Variants in DNAJC6 observed in about 807,000 individuals in gnomAD.
DNAJC6 encodes DnaJ heat shock protein family (Hsp40) member C6.
A neutral mutation model predicts 110.0 loss-of-function variants in DNAJC6; 34 were observed. That is an observed-to-expected ratio of 0.31 (90% CI 0.24 to 0.41). DNAJC6 has a LOEUF of 0.41. Ranked by LOEUF, DNAJC6 falls within the 10% of genes least tolerant of loss-of-function variation. The pLI, the probability that DNAJC6 is intolerant of heterozygous loss-of-function variation, is 1.00. For missense variants in DNAJC6, 1,031 were observed against 1,207.8 expected (o/e 0.85, Z 2.17); for synonymous variants, 406 against 437.2 (o/e 0.93, Z 0.89).
intron 1 of DNAJC6, among the ~76,000 whole-genome samples, chr1:65,285,071 A>G (rs1653972230): frequency 6.6e-6 from 1 of 152,092 alleles, no homozygotes; most frequent in African/African-American, 2.4e-5. Flanking sequence ...AATAATTGTA[A>G]TTATCAGGTT....
At chr1:65,375,648 G>A (rs930932081) in intron 4 of DNAJC6, among the ~76,000 whole-genome samples, 15 of 151,544 alleles carry the variant, frequency 9.9e-5, no homozygotes, top group Non-Finnish European at 5.9e-5. Context: ...GGATGGTCTC[G>A]ATTTCCTGAC....
chr1:65,344,646 C>A (rs1557532363), intron 1 of DNAJC6, among the ~76,000 whole-genome samples: 2 of 152,110 alleles, frequency 1.3e-5, no homozygotes, highest in Admixed American at 6.6e-5. Flanking sequence ...AATTAATGAG[C>A]CCTCATGCCA....
chr1:65,302,011 G>A (rs530520159), intron 1 of DNAJC6, among the ~76,000 whole-genome samples: 8 of 149,872 alleles, frequency 5.3e-5, no homozygotes, highest in Admixed American at 1.3e-4. Flanking sequence ...GAAAGAGAAA[G>A]AGGTTTTGTT....
chr1:65,296,546 C>T (rs1325251530), intron 1 of DNAJC6, among the ~76,000 whole-genome samples: 2 of 151,150 alleles, frequency 1.3e-5, no homozygotes, highest in African/African-American at 4.9e-5. Flanking sequence ...TGTTGACTGA[C>T]TCTGCCCAGT....
At chr1:65,273,432 A>G (rs1030592067) in intron 1 of DNAJC6, among the ~76,000 whole-genome samples, 1 of 152,148 alleles carries the variant, frequency 6.6e-6, no homozygotes, top group Non-Finnish European at 1.5e-5. Flanking sequence ...CCCCGTCTCT[A>G]CTAAAAAATT....
intron 1 of DNAJC6, among the ~76,000 whole-genome samples, chr1:65,267,144 G>A (rs1055956483): frequency 6.6e-6 from 1 of 152,062 alleles, no homozygotes; most frequent in African/African-American, 2.4e-5. Flanking sequence ...TGATCCACCC[G>A]CCTCGGCCTC....
intron 1 of DNAJC6, 149 bp from the exon 2 acceptor site, chr1:65,364,486 T>G (rs1488811935): frequency 7.2e-6 from 7 of 975,468 alleles, no homozygotes; most frequent in African/African-American, 1.7e-5. Context: ...AGTCTATAAG[T>G]TCTGAGAGTG....
At chr1:65,380,303 C>A (rs765372824) in intron 5 of DNAJC6, among the ~76,000 whole-genome samples, 8 of 152,146 alleles carry the variant, frequency 5.3e-5, no homozygotes, top group Non-Finnish European at 8.8e-5. Flanking sequence ...AGCATTAATG[C>A]TGGAAATTTC....
chr1:65,323,272 C>T (rs1414380380), intron 1 of DNAJC6, among the ~76,000 whole-genome samples: 1 of 152,164 alleles, frequency 6.6e-6, no homozygotes, highest in African/African-American at 2.4e-5. Context: ...CCCCATTTGT[C>T]GGAGGAGGGG....
chr1:65,313,525 G>A, intron 1 of DNAJC6, among the ~76,000 whole-genome samples: 1 of 152,188 alleles, frequency 6.6e-6, no homozygotes, highest in East Asian at 1.9e-4. Context: ...GGTGGTAGGA[G>A]ACCTATCAAA....
intron 1 of DNAJC6, among the ~76,000 whole-genome samples, chr1:65,336,562 A>G (rs1202560228): frequency 1.3e-5 from 2 of 152,226 alleles, no homozygotes; most frequent in South Asian, 2.1e-4. Flanking sequence ...TTATCCACTA[A>G]TGAGCAATTT....
intron 1 of DNAJC6, chr1:65,345,688 A>G (rs2101499869): frequency 1.0e-6 from 1 of 985,120 alleles, no homozygotes. Context: ...AGGAGTCTGA[A>G]GAGAGGGTAG....
chr1:65,337,495 T>C (rs1645348961), intron 1 of DNAJC6, among the ~76,000 whole-genome samples: 1 of 152,130 alleles, frequency 6.6e-6, no homozygotes, highest in South Asian at 2.1e-4. Context: ...TCTCTCTTTC[T>C]CTTTTTCTCT....
At chr1:65,407,923 A>G (rs1218403338) in intron 16 of DNAJC6, among the ~76,000 whole-genome samples, 1 of 152,218 alleles carries the variant, frequency 6.6e-6, no homozygotes, top group Non-Finnish European at 1.5e-5. Context: ...TTTTGTTTTA[A>G]CAAGCATTTA....
intron 1 of DNAJC6, among the ~76,000 whole-genome samples, chr1:65,302,230 ATTATAT>A (rs1644992274): frequency 1.5e-5 from 2 of 132,644 alleles, no homozygotes; most frequent in African/African-American, 2.8e-5. Context: ...ATAATATACT[ATTATAT>A]TGATATATTA....
chr1:65,412,807 A>G (rs1646140525), intron 18 of DNAJC6, 117 bp from the exon 19 acceptor site: 1 of 888,230 alleles, frequency 1.1e-6, no homozygotes, highest in Non-Finnish European at 1.8e-6. Context: ...AAAAGGAGAA[A>G]TGGCCAAATA....
In DNAJC6 at chr1:65,366,078, T is replaced by C. The variant is rs1645643774; in HGVS notation, c.425T>C (p.Ile142Thr). The C allele has an allele frequency of 2.5e-6, 4 of 1,613,760 alleles. No individual in the cohort carries two copies. Among genetic ancestry groups the C allele is most frequent in the South Asian group, 1.1e-5 (1 of 91,078 alleles). ...VMSFPLDNVD[I>T]GFRNQVDDIR... ...TCCTTTCCTCTGGACAATGTTGACA[T>C]AGGATTCAGGAATCAGGTTGATGAC... The change falls in exon 4 of 19, where the codon ATA becomes ACA. Residue 142 changes from isoleucine to threonine, a missense_variant. Physicochemically the swap from Ile to Thr is moderately conservative, Grantham distance 89 (BLOSUM62 -1). Transcript: ENST00000371069.
In DNAJC6 at chr1:65,380,921, G is replaced by GTTTT. The variant is rs1162044500; in HGVS notation, c.666+1410_666+1413dup. Among the ~76,000 whole-genome samples the GTTTT allele has an allele frequency of 2.2e-3, 218 of 99,322 alleles. 11 individuals carry two copies. The highest frequency in any genetic ancestry group is 0.011 in the African/African-American group (207 of 18,386). The allele number at this position is 99,322 out of a possible 152,430, so 65.2% of individuals were successfully genotyped here. On this transcript the variant is annotated intron_variant, in intron 5 of 18. Coordinates refer to ENST00000371069, the MANE Select transcript of DNAJC6 (RefSeq NM_001256864.2). ...TTTTTTTTGTTTTTTGTTTTGTTTTGTTTTTTTTTTTTTTTTGGGACCGAG... is the reference window on the plus strand; with the variant it reads ...TTTTTTTTGTTTTTTGTTTTGTTTTGTTTTTTTTTTTTTTTTTTTTGGGACCGAG...
At chr1:65,285,769 T>A (rs1653996302) in intron 1 of DNAJC6, among the ~76,000 whole-genome samples, 1 of 152,058 alleles carries the variant, frequency 6.6e-6, no homozygotes, top group East Asian at 1.9e-4. Context: ...GGCTCCTGGA[T>A]TCAAGTGATT....
Sources: allele counts gnomAD v4.1 joint callset (sites outside exome capture counted in the v4.1 genomes callset), GRCh38; gene constraint gnomAD v4.1.1; transcripts MANE v1.5; gene names NCBI Gene and HGNC (gene_info 2026-07-23, HGNC 2026-07-21).